Variants in MED16 observed in about 807,000 individuals in gnomAD.
MED16 encodes the protein mediator of RNA polymerase II transcription subunit 16.
Under a neutral mutation model 84.4 loss-of-function variants are expected in MED16, and 81 were observed. The observed-to-expected ratio is 0.96, with a 90% CI of 0.80 to 1.15. The LOEUF is 1.15. Ranked by LOEUF, MED16 falls within the 50% of genes most tolerant of loss-of-function variation. MED16 has a pLI of 0.00. For missense variants in MED16, 1,585 were observed against 1,245.9 expected (o/e 1.27, Z -4.10); for synonymous variants, 897 against 552.2 (o/e 1.62, Z -8.76).
rs2036621485 is a variant in MED16 at position 891,044 on chromosome 19, A to T, written c.88T>A (p.Cys30Ser). ...EWEKWSKSTH[C>S]PSVPLACAWS... ...GCGCAGGCCAGGGGCACCGATGGGC[A>T]GTGGGTGCTCTTGGACCATTTCTCC... Residue 30 changes from cysteine (C) to serine (S), a missense_variant, in exon 2 of 16, where the codon TGC becomes AGC. By Grantham distance (112) the Cys-to-Ser change is moderately radical (BLOSUM62 -1). Transcript: ENST00000325464. 1 of 1,614,004 alleles carries T rather than the reference A, an allele frequency of 6.2e-7. No individual in the cohort carries two copies. Among genetic ancestry groups the T allele is most frequent in the African/African-American group, 1.3e-5 (1 of 74,950 alleles).
intron 1 of MED16, chr19:892,774 AC>A (rs2036663949): frequency 8.6e-6 from 1 of 116,138 alleles, no homozygotes; most frequent in Non-Finnish European, 1.8e-5. Context: ...CCGAAGTCCC[AC>A]CAAGCGCCTT....
In MED16 at chr19:879,990, T is replaced by C. The variant is rs1374733397; in HGVS notation, c.1300A>G (p.Met434Val). 6.8e-6 allele frequency: 11 copies of C among 1,609,308 alleles called. No individual in the cohort carries two copies. Among genetic ancestry groups the C allele is most frequent in the South Asian group, 6.6e-5 (6 of 90,696 alleles). ...TAGPAVHLKA[M>V]QLSWTSLALV... Reference sequence around the variant, plus strand: ...GCCAGTGACGTCCACGATAGCTGCATAGCCTTTAAGTGGACGGCGGGGCCC... The same window carrying C: ...GCCAGTGACGTCCACGATAGCTGCACAGCCTTTAAGTGGACGGCGGGGCCC... Residue 434 changes from methionine to valine, a missense_variant, in exon 8 of 16, where the codon ATG becomes GTG. Coordinates refer to ENST00000325464, the MANE Select transcript of MED16 (RefSeq NM_005481.3).
chr19:889,830 G>A (rs887737931), intron 3 of MED16, 23 bp from the exon 4 acceptor site: 3 of 1,598,062 alleles, frequency 1.9e-6, no homozygotes, highest in Admixed American at 1.7e-5. Context: ...AGCCATCATT[G>A]CGAACCTTCC....
At chr19:892,874 AGCCCCGAGCCCCGCGCCCCGC>A (rs72306990) in intron 1 of MED16, 191 bp downstream of exon 1, 1,946 of 84,214 alleles carry the variant, frequency 0.023, 33 homozygotes, top group African/African-American at 0.046. Context: ...GCAAACCCTG[AGCCCCGAGCCCCGCGCCCCGC>A]GCCCCGCGCC....
At position 885,012 on chromosome 19, in the gene MED16, C is replaced by A. The variant is rs373461561; in HGVS notation, c.880-4G>T. On this transcript the variant is annotated splice_polypyrimidine_tract_variant and splice_region_variant and intron_variant, in intron 5 of 15. Transcript: ENST00000325464. ...GGCTGGACGCGCACAAAAGCACCTG[C>A]GGGGGAGGTGGGGGTGAGGGCTGAC... 2.3e-5 allele frequency: 36 copies of A among 1,590,580 alleles called. No homozygotes were observed. The African/African-American group carries it at 4.3e-4, about 19-fold the overall frequency.
rs140377139 is a variant in MED16 at position 883,078 on chromosome 19, A to G, written c.986-1364T>C. Among the ~76,000 whole-genome samples the G allele has an allele frequency of 2.7e-3, 418 of 152,296 alleles. 9 individuals are homozygous for G. Among genetic ancestry groups the G allele is most frequent in the African/African-American group, 9.7e-3 (403 of 41,562 alleles). On this transcript the variant is annotated intron_variant, in intron 6 of 15. Transcript: ENST00000325464. ...CACACCCCCAGCTAGTGGCCAGGGTACCCTCACAGCACGATTTACATCCCC... is the reference window on the plus strand; with the variant it reads ...CACACCCCCAGCTAGTGGCCAGGGTGCCCTCACAGCACGATTTACATCCCC...
intron 13 of MED16, among the ~76,000 whole-genome samples, chr19:870,231 G>A (rs2036013934): frequency 6.6e-6 from 1 of 152,128 alleles, no homozygotes; most frequent in Non-Finnish European, 1.5e-5. Context: ...GCTAAGGCAG[G>A]GCGCCCTGTA....
intron 1 of MED16, chr19:892,816 GC>G (rs931113783): frequency 4.1e-5 from 5 of 121,832 alleles, no homozygotes; most frequent in African/African-American, 1.6e-4. Flanking sequence ...CTTAGGCCCC[GC>G]CCCGAACCCA....
chr19:868,684 C>T (rs543900851), intron 14 of MED16, among the ~76,000 whole-genome samples, 179 bp downstream of exon 14: 2 of 152,314 alleles, frequency 1.3e-5, no homozygotes, highest in Non-Finnish European at 2.9e-5. Flanking sequence ...GCTCCCTGAA[C>T]TAGCCCCGCC....
At chr19:884,132 G>A (rs901908150) in intron 6 of MED16, among the ~76,000 whole-genome samples, 1 of 152,170 alleles carries the variant, frequency 6.6e-6, no homozygotes, top group Non-Finnish European at 1.5e-5. Flanking sequence ...CCACTCCAGG[G>A]TCCATTAGCG....
intron 8 of MED16, 91 bp from the exon 9 acceptor site, chr19:877,271 T>G (rs1324134898): frequency 8.2e-7 from 1 of 1,218,266 alleles, no homozygotes; most frequent in African/African-American, 1.5e-5. Flanking sequence ...GCGGCACGTG[T>G]GTGGATCTGT....
chr19:890,858 G>A (rs2036617819), intron 2 of MED16, 105 bp downstream of exon 2: 2 of 1,248,512 alleles, frequency 1.6e-6, no homozygotes, highest in East Asian at 2.6e-5. Context: ...TGAGTGAGAG[G>A]TGGCCTGAGA....
Position 881,621 on chromosome 19 carries a change from G to T in MED16, c.1079C>A (p.Pro360His). The T allele has an allele frequency of 6.2e-7, 1 of 1,612,646 alleles. No homozygotes were observed. Among genetic ancestry groups the T allele is most frequent in the Non-Finnish European group, 8.5e-7 (1 of 1,179,916 alleles). Residue 360 changes from proline to histidine, a missense_variant, in exon 7 of 16, where the codon CCC becomes CAC. Pro to His is a moderately conservative substitution (Grantham distance 77). Transcript: ENST00000325464. ...GAGGTCGGTGTTGGTGAGCGAGATG[G>T]GCAGCTTGGGCAGCGCCACGGCCGA... Reference protein sequence around the residue: ...RVSAVALPKLPISLTNTDLKV... With the variant: ...RVSAVALPKLHISLTNTDLKV...
chr19:892,242 C>T (rs1243532673), intron 1 of MED16: 1 of 164,562 alleles, frequency 6.1e-6, no homozygotes, highest in Non-Finnish European at 1.3e-5. Context: ...GGGCCTGCCC[C>T]AGACCCCCAA....
In MED16 at chr19:881,605, G is replaced by A. The variant is rs764685792; in HGVS notation, c.1095C>T (p.Asn365=). The A allele has an allele frequency of 5.6e-6, 9 of 1,612,726 alleles. No homozygotes were observed. Among genetic ancestry groups the A allele is most frequent in the East Asian group, 2.2e-5 (1 of 44,890 alleles). Residue 365 remains asparagine, a synonymous_variant, in exon 7 of 16, where the codon AAC becomes AAT. Transcript: ENST00000325464. Reference sequence around the variant, plus strand: ...TGTCGCTGGCCACCTTGAGGTCGGTGTTGGTGAGCGAGATGGGCAGCTTGG... The same window carrying A: ...TGTCGCTGGCCACCTTGAGGTCGGTATTGGTGAGCGAGATGGGCAGCTTGG... ...ALPKLPISLT[N]TDLKVASDTQ...
At chr19:883,753 G>A (rs1027690117) in intron 6 of MED16, among the ~76,000 whole-genome samples, 1 of 152,030 alleles carries the variant, frequency 6.6e-6, no homozygotes, top group African/African-American at 2.4e-5. Flanking sequence ...TGAAGGTGCA[G>A]GTCTGTGCAG....
At position 877,172 on chromosome 19, in the gene MED16, C is replaced by G; in HGVS notation, c.1362G>C (p.Val454=). ...GGCCCATGGAAGGTGAGAGGCGGAG[C>G]ACGCTCAGCTGCCAGAGACAGAGCC... ...VGIDSHGKLS[V]LRLSPSMGHP... The change falls in exon 9 of 16, where the codon GTG becomes GTC. Residue 454 remains valine, a synonymous_variant. Transcript: ENST00000325464. 6.2e-7 allele frequency: 1 copy of G among 1,608,726 alleles called. No individual in the cohort carries two copies. Among genetic ancestry groups the G allele is most frequent in the Non-Finnish European group, 8.5e-7 (1 of 1,178,642 alleles).
chr19:871,232 C>T lies in MED16; in HGVS notation c.2120G>A (p.Ser707Asn). 6.5e-7 allele frequency: 1 copy of T among 1,541,642 alleles called. No individual in the cohort carries two copies. Among genetic ancestry groups the T allele is most frequent in the Non-Finnish European group, 8.8e-7 (1 of 1,140,264 alleles). The change falls in exon 13 of 16, where the codon AGC becomes AAC. Residue 707 changes from serine (S) to asparagine (N), a missense_variant. By Grantham distance (46) the Ser-to-Asn change is conservative. Transcript: ENST00000325464. ...ATCCACCAGCGCCTCGTCCGGCTCG[C>T]TCGCTGGGCCCTCATCGCGACCTGC... ...WICCRDEGPA[S>N]EPDEALVDEC...
At chr19:884,510 G>A (rs536816473) in intron 6 of MED16, among the ~76,000 whole-genome samples, 41 of 152,182 alleles carry the variant, frequency 2.7e-4, no homozygotes, top group Admixed American at 7.2e-4. Flanking sequence ...AGGATTCCGT[G>A]CACCGCCCCT....
Sources: gnomAD v4.1 joint callset for allele counts (sites outside exome capture counted in the v4.1 genomes callset) on GRCh38, gnomAD v4.1.1 for gene constraint, MANE v1.5 for transcripts, NCBI Gene and HGNC (gene_info 2026-07-23, HGNC 2026-07-21) for gene names.